Variants in COG4 observed in about 807,000 individuals in gnomAD.
The protein encoded by COG4 is conserved oligomeric Golgi complex subunit 4.
Under a neutral mutation model 95.1 loss-of-function variants are expected in COG4, and 65 were observed. That is an observed-to-expected ratio of 0.68 (90% CI 0.56 to 0.84). The LOEUF (loss-of-function observed/expected upper bound fraction) is 0.84, where lower values mean the gene tolerates loss of function less well. Ranked by LOEUF, COG4 falls within the 40% of genes least tolerant of loss-of-function variation. The pLI, the probability that COG4 is intolerant of heterozygous loss-of-function variation, is 0.00. For missense variants in COG4, 1,045 were observed against 989.1 expected (o/e 1.06, Z -0.76); for synonymous variants, 421 against 374.8 (o/e 1.12, Z -1.42).
In COG4 at chr16:70,514,325, G is replaced by A. The variant is rs368963233; in HGVS notation, c.544+10C>T. 8 of 1,613,816 alleles carry A rather than the reference G, an allele frequency of 5.0e-6. No individual in the cohort carries two copies. Among genetic ancestry groups the A allele is most frequent in the South Asian group, 1.1e-5 (1 of 91,044 alleles). Reference sequence around the variant, plus strand: ...AACTAAACTAAAAACCAACAGTTTCGGATGCTGACCCTCTTTGCCCTGTCG... The same window carrying A: ...AACTAAACTAAAAACCAACAGTTTCAGATGCTGACCCTCTTTGCCCTGTCG... On this transcript the variant is annotated intron_variant, in intron 4 of 18. Transcript: ENST00000323786.
chr16:70,514,735 A>G (rs2049788029), intron 3 of COG4, among the ~76,000 whole-genome samples: 1 of 151,956 alleles, frequency 6.6e-6, no homozygotes, highest in Non-Finnish European at 1.5e-5. Context: ...TTTTTTTTAG[A>G]CAGAGTCTCA....
At chr16:70,494,850 A>G (rs2049307920) in intron 12 of COG4, among the ~76,000 whole-genome samples, 1 of 152,194 alleles carries the variant, frequency 6.6e-6, no homozygotes, top group Non-Finnish European at 1.5e-5. Flanking sequence ...CACAGGCAAC[A>G]GTTTTTTGGA....
chr16:70,492,478 G>C (rs1421404170), intron 12 of COG4, among the ~76,000 whole-genome samples: 1 of 151,972 alleles, frequency 6.6e-6, no homozygotes, highest in East Asian at 1.9e-4. Context: ...GACCAACATG[G>C]AGAAACCCCG....
chr16:70,496,473 T>C lies in COG4; in HGVS notation c.1482-42A>G, dbSNP rs770348849. On this transcript the variant is annotated intron_variant, in intron 11 of 18. Transcript: ENST00000323786. Reference sequence around the variant, plus strand: ...CATAGAGGAATTGACAGTGCTCAACTTGGCCACCAGGACAGAAGGGCCAGT... The same window carrying C: ...CATAGAGGAATTGACAGTGCTCAACCTGGCCACCAGGACAGAAGGGCCAGT... The C allele has an allele frequency of 1.1e-5, 17 of 1,607,980 alleles. No homozygotes were observed. Among genetic ancestry groups the C allele is most frequent in the Non-Finnish European group, 1.3e-5 (15 of 1,174,874 alleles).
intron 5 of COG4, among the ~76,000 whole-genome samples, chr16:70,511,692 G>T (rs1305283337): frequency 6.6e-6 from 1 of 152,036 alleles, no homozygotes; most frequent in African/African-American, 2.4e-5. Flanking sequence ...CATCACTTTG[G>T]GAGGCCGAGG....
chr16:70,514,241 C>A (rs1401621182), intron 4 of COG4, 94 bp downstream of exon 4: 13 of 1,208,856 alleles, frequency 1.1e-5, no homozygotes, highest in Admixed American at 3.9e-5. Flanking sequence ...AGAAAACTTC[C>A]TAAAAACTGA....
At position 70,514,488 on chromosome 16, in the gene COG4, G is replaced by C; in HGVS notation, c.391C>G (p.Gln131Glu). The C allele has an allele frequency of 1.2e-6, 2 of 1,614,082 alleles. No homozygotes were observed. Among genetic ancestry groups the C allele is most frequent in the Non-Finnish European group, 1.7e-6 (2 of 1,180,030 alleles). Residue 131 changes from glutamine (Q) to glutamate (E), a missense_variant, in exon 4 of 19, where the codon CAG (glutamine) becomes GAG (glutamate). Transcript: ENST00000323786. ...AGGTCCAAGATGTCATCAGCTCTCT[G>C]AATGGCCTGATAGAGGCGGTTCTGC... is the stretch of plus-strand genomic sequence containing the variant. The part of the protein sequence containing the change: ...LAKNRLYQAI[Q>E]RADDILDLKF...
chr16:70,501,385 G>C (rs934099309), intron 8 of COG4: 2 of 368,018 alleles, frequency 5.4e-6, no homozygotes, highest in Non-Finnish European at 1.0e-5. Context: ...ATGGAGTCTT[G>C]CTCTGTTGCC....
Position 70,481,007 on chromosome 16 carries a change from C to G in COG4, c.*3G>C. ...GATGAGCCAGGTGTGCTCATCCAGG[C>G]AGCTACAGGCGCAGCCTCTTGATAT... is the stretch of plus-strand genomic sequence containing the variant. On this transcript the variant is annotated 3_prime_UTR_variant, in exon 19 of 19. Coordinates refer to ENST00000323786, the MANE Select transcript of COG4 (RefSeq NM_015386.3). 2 of 1,612,172 alleles carry G rather than the reference C, an allele frequency of 1.2e-6. No homozygotes were observed. The highest frequency in any genetic ancestry group is 1.7e-6 in the Non-Finnish European group (2 of 1,180,034).
At chr16:70,506,453 G>A (rs888674644) in intron 8 of COG4, among the ~76,000 whole-genome samples, 4 of 150,488 alleles carry the variant, frequency 2.7e-5, no homozygotes, top group African/African-American at 7.3e-5. Context: ...TTAACCGAGC[G>A]TGGTGGCACC....
At chr16:70,519,800 C>A in intron 1 of COG4, 69 bp from the exon 2 acceptor site, 1 of 1,149,396 alleles carries the variant, frequency 8.7e-7, no homozygotes, top group South Asian at 1.2e-5. Flanking sequence ...CTAATCCAAT[C>A]ACTTAGCTGA....
At chr16:70,484,507 T>C (rs1279798386) in intron 13 of COG4, among the ~76,000 whole-genome samples, 1 of 152,250 alleles carries the variant, frequency 6.6e-6, no homozygotes, top group Non-Finnish European at 1.5e-5. Context: ...TTTCTGCTTC[T>C]TAAATATTTT....
rs1567728109 is a variant in COG4 at position 70,494,950 on chromosome 16, G to C, written c.1647+1316C>G. 2.0e-5 allele frequency among the ~76,000 whole-genome samples: 3 copies of C among 152,004 alleles called. No individual in the cohort carries two copies. In the South Asian group the frequency reaches 6.2e-4, roughly 32 times the overall value. ...ATTTTCTATGACAGGAAGAGAGTGG[G>C]GCTGCCTAAACAGCTTTCACATTGG... On this transcript the variant is annotated intron_variant, in intron 12 of 18. Transcript: ENST00000323786.
Position 70,490,316 on chromosome 16 carries a change from A to G in COG4, c.1710+14T>C, listed in dbSNP as rs373254748. The G allele has an allele frequency of 7.9e-5, 127 of 1,610,022 alleles. No individual in the cohort carries two copies. Among genetic ancestry groups the G allele is most frequent in the Non-Finnish European group, 1.0e-4 (122 of 1,176,484 alleles). ...AGATGGCTGCTGACCACTGATAGGC[A>G]ATTTCCCTCGTACCTCCAGTGTCTT... On this transcript the variant is annotated intron_variant, in intron 13 of 18. Coordinates refer to ENST00000323786, the MANE Select transcript of COG4 (RefSeq NM_015386.3).
At chr16:70,493,375 C>T (rs2049283221) in intron 12 of COG4, among the ~76,000 whole-genome samples, 1 of 151,884 alleles carries the variant, frequency 6.6e-6, no homozygotes, top group Non-Finnish European at 1.5e-5. Context: ...CTATTGAGCA[C>T]CTGAAGCATA....
At chr16:70,500,258 C>T (rs1373989806) in intron 9 of COG4, among the ~76,000 whole-genome samples, 5 of 152,032 alleles carry the variant, frequency 3.3e-5, no homozygotes, top group Admixed American at 2.6e-4. Context: ...GTGTGAGCCA[C>T]TGCACCCAGC....
In COG4 at chr16:70,523,439, C is replaced by T. The variant is rs1226630858; in HGVS notation, c.105G>A (p.Glu35=). Residue 35 remains glutamate (E), a synonymous_variant, in exon 1 of 19, where the codon GAG becomes GAA. Transcript: ENST00000323786. ...GGGRCSEISA[E]LIRSLTELQE... is the part of the protein sequence containing the mutation. ...GCAGCTCTGTCAGGGAGCGAATGAG[C>T]TCAGCGGAGATTTCGGAGCAGCGGC... The T allele has an allele frequency of 6.2e-7, 1 of 1,614,114 alleles. No homozygotes were observed. The highest frequency in any genetic ancestry group is 2.2e-5 in the East Asian group (1 of 44,878).
At chr16:70,498,638 T>C (rs1381524326) in intron 9 of COG4, among the ~76,000 whole-genome samples, 1 of 152,220 alleles carries the variant, frequency 6.6e-6, no homozygotes, top group Non-Finnish European at 1.5e-5. Context: ...TTTTTAACTT[T>C]CATGTTGTTT....
chr16:70,510,153 C>CAGCA (rs2049669995), intron 5 of COG4, 132 bp from the exon 6 acceptor site: 1 of 748,778 alleles, frequency 1.3e-6, no homozygotes, highest in Admixed American at 2.0e-5. Context: ...GAAGCCCAGG[C>CAGCA]AGCACAGAGG....
Sources: gnomAD v4.1 joint callset for allele counts (sites outside exome capture counted in the v4.1 genomes callset) on GRCh38, gnomAD v4.1.1 for gene constraint, MANE v1.5 for transcripts, NCBI Gene and HGNC (gene_info 2026-07-23, HGNC 2026-07-21) for gene names.